Variants in KLHL29 observed in about 807,000 individuals in gnomAD.
KLHL29 encodes the protein kelch like family member 29.
In KLHL29, 21 loss-of-function variants were observed where a neutral mutation model predicts 80.4. The observed-to-expected ratio is 0.26, with a 90% CI of 0.19 to 0.38. KLHL29 has a LOEUF of 0.38. Ranked by LOEUF, KLHL29 falls within the 10% of genes least tolerant of loss-of-function variation. KLHL29 has a pLI of 1.00. For missense variants in KLHL29, 867 were observed against 1,223.9 expected, an observed-to-expected ratio of 0.71 and a Z score of 4.35; for synonymous variants, 511 against 526.8, an observed-to-expected ratio of 0.97 and a Z score of 0.41.
In KLHL29 at chr2:23,447,574, G is replaced by A. The variant is rs557970282; in HGVS notation, c.-153-27986G>A. ...AATCAGTCTGCTGCATCTTCCTAACGCTGATAATGGCCTTGGCTGAGGCCC... is the reference window on the plus strand; with the variant it reads ...AATCAGTCTGCTGCATCTTCCTAACACTGATAATGGCCTTGGCTGAGGCCC... On this transcript the variant is annotated intron_variant, in intron 1 of 13. Transcript: ENST00000486442. Among the ~76,000 whole-genome samples the A allele has an allele frequency of 1.1e-4, 17 of 152,276 alleles. 1 individual carries two copies. The highest frequency in any genetic ancestry group is 3.6e-4 in the African/African-American group (15 of 41,548).
At chr2:23,441,289 T>G (rs1663512184) in intron 1 of KLHL29, among the ~76,000 whole-genome samples, 1 of 124,736 alleles carries the variant, frequency 8.0e-6, no homozygotes, top group Admixed American at 1.1e-4. Flanking sequence ...TGAGAATACA[T>G]GGACACAGGA....
rs931212327 is a variant in KLHL29 at position 23,457,282 on chromosome 2, C to T, written c.-153-18278C>T. The stretch of plus-strand genomic sequence containing the variant: ...CATATGGGCTCTGAGCCCAGAGGGG[C>T]CAGGTCTTTGGAGTCTGGAATGACT... On this transcript the variant is annotated intron_variant, in intron 1 of 13. Transcript: ENST00000486442. The surrounding 1 kb of genome is among the most constrained non-coding windows in gnomAD (Gnocchi z 4.3). 6.6e-6 allele frequency among the ~76,000 whole-genome samples: 1 copy of T among 152,194 alleles called. No individual in the cohort carries two copies. Among genetic ancestry groups the T allele is most frequent in the Non-Finnish European group, 1.5e-5 (1 of 68,042 alleles).
intron 2 of KLHL29, among the ~76,000 whole-genome samples, chr2:23,520,998 C>CCCG (rs1666083007): frequency 6.6e-6 from 1 of 151,498 alleles, no homozygotes; most frequent in South Asian, 2.1e-4. Context: ...GACCACCCCC[C>CCCG]CCCCCGCTCC....
chr2:23,400,648 A>G (rs1296232023), intron 1 of KLHL29, among the ~76,000 whole-genome samples: 2 of 151,954 alleles, frequency 1.3e-5, no homozygotes, highest in Non-Finnish European at 2.9e-5. Context: ...CTTGGGAAAT[A>G]TAATAGTGAG....
At chr2:23,646,907 G>T (rs1280376709) in intron 5 of KLHL29, among the ~76,000 whole-genome samples, 1 of 152,228 alleles carries the variant, frequency 6.6e-6, no homozygotes, top group Non-Finnish European at 1.5e-5. Flanking sequence ...GGAGGATTGA[G>T]TGAGATTGCG....
intron 3 of KLHL29, among the ~76,000 whole-genome samples, chr2:23,619,990 C>T (rs1018945824): frequency 2.6e-5 from 4 of 152,144 alleles, no homozygotes. Flanking sequence ...GCTGGGGAAC[C>T]AGGGGAAATG....
intron 5 of KLHL29, chr2:23,643,510 A>T (rs1272812175): frequency 5.9e-6 from 1 of 168,308 alleles, no homozygotes; most frequent in East Asian, 1.6e-4. Flanking sequence ...ATTCCAGGGA[A>T]CTCGAAGGTA....
intron 2 of KLHL29, among the ~76,000 whole-genome samples, chr2:23,555,206 G>A (rs1349712000): frequency 2.0e-5 from 3 of 152,134 alleles, no homozygotes; most frequent in East Asian, 1.9e-4. Flanking sequence ...AGAGGGCCTC[G>A]GGAGCTGTGC....
intron 5 of KLHL29, among the ~76,000 whole-genome samples, chr2:23,653,571 C>T (rs1670148260): frequency 6.6e-6 from 1 of 152,188 alleles, no homozygotes; most frequent in Non-Finnish European, 1.5e-5. Context: ...ACACGCACCA[C>T]TCACAGGGGC....
chr2:23,602,377 AG>A (rs1668594335), intron 3 of KLHL29, among the ~76,000 whole-genome samples: 1 of 152,166 alleles, frequency 6.6e-6, no homozygotes. Context: ...TCCTGCACAG[AG>A]GCCTCCTGGA....
chr2:23,702,556 C>T (rs933093452), intron 11 of KLHL29, among the ~76,000 whole-genome samples: 2 of 152,160 alleles, frequency 1.3e-5, no homozygotes, highest in Non-Finnish European at 2.9e-5. Context: ...CCACTCAGTC[C>T]TGCTTCCCAT....
chr2:23,528,721 A>G (rs965509121), intron 2 of KLHL29, among the ~76,000 whole-genome samples: 1 of 152,240 alleles, frequency 6.6e-6, no homozygotes, highest in African/African-American at 2.4e-5. Context: ...CTCAAAGTGA[A>G]GGCTACTTCC....
rs927144842 is a variant in KLHL29 at position 23,548,765 on chromosome 2, G to A, written c.-45-13387G>A. ...GTTTTGGGGACTGTTTAGCATCATA[G>A]CGTCACCTACCTATCCAGGCTGATG... On this transcript the variant is annotated intron_variant, in intron 2 of 13. Transcript: ENST00000486442. Among the ~76,000 whole-genome samples the A allele has an allele frequency of 2.0e-5, 3 of 152,204 alleles. No individual in the cohort carries two copies. In the East Asian group the frequency reaches 5.8e-4, roughly 29 times the overall value.
intron 1 of KLHL29, among the ~76,000 whole-genome samples, chr2:23,426,611 C>T (rs1453606381): frequency 6.6e-6 from 1 of 152,254 alleles, no homozygotes; most frequent in Non-Finnish European, 1.5e-5. Flanking sequence ...GTCTCCTGCC[C>T]TGGCTCACAC....
chr2:23,661,422 C>T (rs1670404130), intron 5 of KLHL29, among the ~76,000 whole-genome samples: 1 of 152,134 alleles, frequency 6.6e-6, no homozygotes, highest in Non-Finnish European at 1.5e-5. Context: ...TGACAAGGCG[C>T]CAGCTGTATC....
intron 2 of KLHL29, among the ~76,000 whole-genome samples, chr2:23,492,510 C>T (rs1665132760): frequency 6.6e-6 from 1 of 152,228 alleles, no homozygotes; most frequent in Non-Finnish European, 1.5e-5. Flanking sequence ...TCAGGCTACT[C>T]TTCCATTGGC....
chr2:23,390,437 C>A (rs1666289420), intron 1 of KLHL29, among the ~76,000 whole-genome samples: 1 of 152,028 alleles, frequency 6.6e-6, no homozygotes, highest in Admixed American at 6.6e-5. Flanking sequence ...CTGCCATTGG[C>A]CTCACAGGTG....
chr2:23,561,473 A>G (rs144758620), intron 2 of KLHL29, among the ~76,000 whole-genome samples: 2,376 of 152,260 alleles, frequency 0.016, 60 homozygotes, highest in African/African-American at 0.054. Flanking sequence ...ATCAAATCAT[A>G]GGGCTGTGAT....
chr2:23,495,454 GT>G (rs1665234011), intron 2 of KLHL29, among the ~76,000 whole-genome samples: 1 of 152,180 alleles, frequency 6.6e-6, no homozygotes, highest in Non-Finnish European at 1.5e-5. Flanking sequence ...ATTCCCATTT[GT>G]TTTCATGAAT....
Sources: gnomAD v4.1 joint callset for allele counts (sites outside exome capture counted in the v4.1 genomes callset) on GRCh38, gnomAD v4.1.1 for gene constraint, Gnocchi (gnomAD v3.1) non-coding constraint, MANE v1.5 for transcripts, NCBI Gene and HGNC (gene_info 2026-07-23, HGNC 2026-07-21) for gene names.